Variants in GRM4 observed in about 807,000 individuals in gnomAD.
GRM4 encodes metabotropic glutamate receptor 4.
Under a neutral mutation model 81.7 loss-of-function variants are expected in GRM4, and 28 were observed. The observed-to-expected ratio is 0.34, with a 90% CI of 0.25 to 0.47. GRM4 has a LOEUF of 0.47. Among genes scored for constraint, GRM4 ranks in the 20% least tolerant of loss-of-function variants. The probability of loss-of-function intolerance (pLI) is 1.00; values close to 1 mark genes in which losing one functional copy is unlikely to be tolerated. For missense variants in GRM4, 948 were observed against 1,290.0 expected, an observed-to-expected ratio of 0.73 and a Z score of 4.06; for synonymous variants, 488 against 528.8, an observed-to-expected ratio of 0.92 and a Z score of 1.06.
intron 1 of GRM4, among the ~76,000 whole-genome samples, chr6:34,145,004 C>A (rs1485150734): frequency 6.6e-6 from 1 of 151,992 alleles, no homozygotes; most frequent in Non-Finnish European, 1.5e-5. Flanking sequence ...CCTCCCCGAG[C>A]CCCGATGTCC....
Position 34,059,142 on chromosome 6 carries a change from C to G in GRM4, c.873-14G>C. 6.2e-7 allele frequency: 1 copy of G among 1,612,954 alleles called. No homozygotes were observed. Among genetic ancestry groups the G allele is most frequent in the Non-Finnish European group, 8.5e-7 (1 of 1,179,698 alleles). ...TCCAGCACACGCCTGTAGGAACATA[C>G]ACCAGCCCAGCCCAGCCGCGTCTGT... On this transcript the variant is annotated splice_polypyrimidine_tract_variant and intron_variant, in intron 4 of 10. Transcript: ENST00000538487. This position sits in a 1 kb window ranked among gnomAD's most constrained non-coding sequence, Gnocchi z 5.7.
At chr6:34,057,858 A>T (rs148679558) in intron 5 of GRM4, among the ~76,000 whole-genome samples, 1 of 152,186 alleles carries the variant, frequency 6.6e-6, no homozygotes, top group Non-Finnish European at 1.5e-5. Context: ...GCTAAAGGAG[A>T]TGTCTGTAAG....
chr6:34,071,477 AAC>A (rs200961621), intron 3 of GRM4, among the ~76,000 whole-genome samples: 89 of 29,960 alleles, frequency 3.0e-3, no homozygotes, highest in African/African-American at 0.011. Context: ...ACACACCACA[AAC>A]ACACACACAT....
At chr6:34,112,315 A>G (rs1370398218) in intron 2 of GRM4, among the ~76,000 whole-genome samples, 1 of 152,102 alleles carries the variant, frequency 6.6e-6, no homozygotes, top group Non-Finnish European at 1.5e-5. Context: ...TCTATAAGCC[A>G]TGCTGGGCTG....
chr6:34,025,326 G>C (rs1389009717), intron 10 of GRM4, among the ~76,000 whole-genome samples: 1 of 152,062 alleles, frequency 6.6e-6, no homozygotes, highest in Non-Finnish European at 1.5e-5. Flanking sequence ...CCCCCTGGGG[G>C]AACTGATAAA....
chr6:34,148,216 G>A (rs73744834), upstream of GRM4, among the ~76,000 whole-genome samples: 2,135 of 152,150 alleles, frequency 0.014, 44 homozygotes, highest in African/African-American at 0.046. Flanking sequence ...TGACCACCCC[G>A]GGCCTCCAGA....
At chr6:34,112,860 G>C (rs2127500021) in intron 2 of GRM4, among the ~76,000 whole-genome samples, 1 of 152,280 alleles carries the variant, frequency 6.6e-6, no homozygotes, top group Non-Finnish European at 1.5e-5. Flanking sequence ...AACTTCCTCT[G>C]TCAGTTTGCT....
At chr6:34,073,435 C>CA (rs56750763) in intron 3 of GRM4, among the ~76,000 whole-genome samples, 8 of 149,792 alleles carry the variant, frequency 5.3e-5, no homozygotes, top group African/African-American at 1.5e-4. Context: ...CACACACACA[C>CA]CATCATACCA....
rs868864646 is a variant in GRM4, at chr6:34,074,524, T to C, written c.737-12496A>G. Among the ~76,000 whole-genome samples, 5 of 140,730 alleles carry C rather than the reference T, an allele frequency of 3.6e-5. No homozygotes were observed. The highest frequency in any genetic ancestry group is 4.6e-5 in the Non-Finnish European group (3 of 65,916). 92.3% of individuals were successfully genotyped at this position (140,730 alleles called of 152,430 possible). On this transcript the variant is annotated intron_variant, in intron 3 of 10. Coordinates refer to ENST00000538487, the MANE Select transcript of GRM4 (RefSeq NM_000841.4). The surrounding 1 kb of genome is among the most constrained non-coding windows in gnomAD (Gnocchi z 4.9). ...GGCAGTGTGGCTCAGAGCTGAGCCC[T>C]GCCGTCCCCTGCCAGGAGAGGAGGC...
intron 1 of GRM4, among the ~76,000 whole-genome samples, chr6:34,151,701 C>T (rs1771050026): frequency 8.1e-6 from 1 of 123,042 alleles, no homozygotes. Flanking sequence ...GCGCTGCCCA[C>T]CCCGCCCCCA....
chr6:34,081,027 TGA>T (rs1208753782), intron 3 of GRM4, among the ~76,000 whole-genome samples: 1 of 152,210 alleles, frequency 6.6e-6, no homozygotes, highest in Non-Finnish European at 1.5e-5. Context: ...CAGGGCCTTC[TGA>T]GGCCTGCCCA....
chr6:34,134,104 C>T (rs1252079197), intron 1 of GRM4, among the ~76,000 whole-genome samples: 1 of 152,092 alleles, frequency 6.6e-6, no homozygotes, highest in East Asian at 1.9e-4. Flanking sequence ...CTATCAGTAG[C>T]CCGGGCATCA....
chr6:34,038,806 G>A (rs1438129806), intron 8 of GRM4, among the ~76,000 whole-genome samples: 2 of 152,224 alleles, frequency 1.3e-5, no homozygotes, highest in South Asian at 2.1e-4. Flanking sequence ...TATTCCTGGG[G>A]AGGGGACTTT....
chr6:34,087,709 C>G (rs1243798216), intron 3 of GRM4, among the ~76,000 whole-genome samples: 8 of 124,084 alleles, frequency 6.4e-5, no homozygotes, highest in South Asian at 5.2e-4. Context: ...ACCCCCCCCC[C>G]ACACACACAC....
At chr6:34,087,189 C>T (rs543808569) in intron 3 of GRM4, among the ~76,000 whole-genome samples, 3 of 151,674 alleles carry the variant, frequency 2.0e-5, no homozygotes, top group Non-Finnish European at 2.9e-5. Flanking sequence ...GAGGCCAAGG[C>T]GGGTGGATCA....
rs115123128 is a variant in GRM4 at position 34,131,638 on chromosome 6, C to A, written c.519+1340G>T. ...CCTCACCCCCACCCCAACACTGGGA[C>A]CATCCTTTCCCTTCATCTCCACTTC... On this transcript the variant is annotated intron_variant, in intron 2 of 10. Transcript: ENST00000538487. Among the ~76,000 whole-genome samples the A allele has an allele frequency of 5.3e-3, 802 of 152,334 alleles. 10 individuals carry two copies. The highest frequency in any genetic ancestry group is 0.014 in the Middle Eastern group (4 of 294).
chr6:34,031,751 G>A (rs183170269), intron 9 of GRM4, among the ~76,000 whole-genome samples: 48 of 152,294 alleles, frequency 3.2e-4, no homozygotes, highest in African/African-American at 8.9e-4. Flanking sequence ...AAATCCAGCC[G>A]CCTGCTCACC....
chr6:34,142,411 A>T (rs766481441), intron 1 of GRM4, among the ~76,000 whole-genome samples: 2 of 152,096 alleles, frequency 1.3e-5, no homozygotes, highest in African/African-American at 4.8e-5. Flanking sequence ...GGGTGGGCAG[A>T]TATCTTGGGG....
At position 34,065,076 on chromosome 6, in the gene GRM4, C is replaced by T. The variant is rs557748936; in HGVS notation, c.737-3048G>A. On this transcript the variant is annotated intron_variant, in intron 3 of 10. Coordinates refer to ENST00000538487, the MANE Select transcript of GRM4 (RefSeq NM_000841.4). ...AATAAAGGGGCAGTGTTTCATGTGC[C>T]GGAGCCTCTTCTGCAGCCCCTGTTG... Among the ~76,000 whole-genome samples the T allele has an allele frequency of 7.9e-5, 12 of 152,222 alleles. No individual in the cohort carries two copies. In the East Asian group the frequency reaches 2.1e-3, roughly 27 times the overall value.
Sources: gnomAD v4.1 joint callset for allele counts (sites outside exome capture counted in the v4.1 genomes callset) on GRCh38, gnomAD v4.1.1 for gene constraint, Gnocchi (gnomAD v3.1) non-coding constraint, MANE v1.5 for transcripts, NCBI Gene and HGNC (gene_info 2026-07-23, HGNC 2026-07-21) for gene names.